Variants in ADAM2 observed in about 807,000 individuals in gnomAD.
ADAM2 encodes the protein ADAM metallopeptidase domain 2.
ADAM2 carries 101 observed loss-of-function variants against 99.3 expected under a neutral mutation model. That is an observed-to-expected ratio of 1.02 (90% CI 0.87 to 1.20). ADAM2 has a LOEUF of 1.20. Among genes scored for constraint, ADAM2 ranks in the 50% most tolerant of loss-of-function variants. ADAM2 has a pLI of 0.00. For synonymous variants in ADAM2, 323 were observed against 287.6 expected (o/e 1.12, Z -1.25); for missense variants, 948 against 878.7 (o/e 1.08, Z -1.00).
At position 39,746,592 on chromosome 8, in the gene ADAM2, A is replaced by G; in HGVS notation, c.2054T>C (p.Met685Thr). ...YIENIYHSKP[M>T]RWPFFLFIPF... ...AATGAATAAGAAAAATGGCCATCTC[A>G]TTGGTTTGGAATGGTAAATGTTCTC... is the stretch of plus-strand genomic sequence containing the variant. The change falls in exon 19 of 21, where the codon ATG becomes ACG. Residue 685 changes from methionine to threonine, a missense_variant. Coordinates refer to ENST00000265708, the MANE Select transcript of ADAM2 (RefSeq NM_001464.5). The G allele has an allele frequency of 1.2e-6, 2 of 1,607,466 alleles. No homozygotes were observed. Among genetic ancestry groups the G allele is most frequent in the Non-Finnish European group, 1.7e-6 (2 of 1,177,284 alleles).
intron 4 of ADAM2, among the ~76,000 whole-genome samples, chr8:39,823,180 C>A (rs1805267058): frequency 6.6e-6 from 1 of 152,150 alleles, no homozygotes; most frequent in African/African-American, 2.4e-5. Context: ...AAATCCAGGA[C>A]AATGATGAAT....
At chr8:39,806,443 C>A (rs770105609) in intron 7 of ADAM2, among the ~76,000 whole-genome samples, 3 of 148,724 alleles carry the variant, frequency 2.0e-5, no homozygotes, top group Admixed American at 2.0e-4. Flanking sequence ...CCGTTTTCAA[C>A]AAAGTATGAC....
chr8:39,788,381 G>A, intron 8 of ADAM2, 130 bp from the exon 9 acceptor site: 1 of 584,138 alleles, frequency 1.7e-6, no homozygotes. Flanking sequence ...ATCTTTTAAA[G>A]TAGATTAGTA....
At chr8:39,748,558 T>G (rs1823568446) in intron 18 of ADAM2, among the ~76,000 whole-genome samples, 1 of 152,192 alleles carries the variant, frequency 6.6e-6, no homozygotes, top group Non-Finnish European at 1.5e-5. Flanking sequence ...CATTTAGATT[T>G]TTATATCAAA....
intron 18 of ADAM2, among the ~76,000 whole-genome samples, 174 bp downstream of exon 18, chr8:39,749,138 A>C (rs1169163789): frequency 6.6e-6 from 1 of 152,066 alleles, no homozygotes. Flanking sequence ...CATATGCTAC[A>C]TATGTTGTAA....
chr8:39,826,710 G>A (rs1350712450), intron 3 of ADAM2, among the ~76,000 whole-genome samples: 3 of 146,018 alleles, frequency 2.1e-5, no homozygotes, highest in Middle Eastern at 3.5e-3. Flanking sequence ...GCTACAGAGC[G>A]AGAAAAAAAA....
rs767262879 is a variant in ADAM2 at position 39,838,117 on chromosome 8, G to GT, written c.55+13dup. 2 of 1,613,842 alleles carry GT rather than the reference G, an allele frequency of 1.2e-6. No individual in the cohort carries two copies. Among genetic ancestry groups the GT allele is most frequent in the Non-Finnish European group, 1.7e-6 (2 of 1,179,934 alleles). On this transcript the variant is annotated intron_variant, in intron 1 of 20. Coordinates refer to ENST00000265708, the MANE Select transcript of ADAM2 (RefSeq NM_001464.5). ...AGGGTCCCAAAAGGCCAGAGGAGGGGTTTTTCTGCTTACTACTGTCCATCC... is the reference window on the plus strand; with the variant it reads ...AGGGTCCCAAAAGGCCAGAGGAGGGGTTTTTTCTGCTTACTACTGTCCATCC...
intron 4 of ADAM2, among the ~76,000 whole-genome samples, chr8:39,822,214 T>G (rs529369324): frequency 6.6e-6 from 1 of 152,302 alleles, no homozygotes; most frequent in African/African-American, 2.4e-5. Context: ...TGGGGTATAC[T>G]TCATACTTTA....
chr8:39,811,870 G>T (rs1436083486), intron 6 of ADAM2, among the ~76,000 whole-genome samples: 1 of 152,174 alleles, frequency 6.6e-6, no homozygotes, highest in Non-Finnish European at 1.5e-5. Flanking sequence ...ACTGGCACAA[G>T]ACAGGGATGT....
intron 10 of ADAM2, among the ~76,000 whole-genome samples, chr8:39,778,912 C>T (rs921113040): frequency 6.6e-6 from 1 of 152,006 alleles, no homozygotes; most frequent in Admixed American, 6.6e-5. Flanking sequence ...TTATACTTTT[C>T]TCTTTTTCTC....
chr8:39,766,846 A>G lies in ADAM2; in HGVS notation c.1507+2T>C. On this transcript the variant is annotated splice_donor_variant, in intron 14 of 20. Transcript: ENST00000265708. LOFTEE classifies it high-confidence loss of function. ...TATGAGAAATCAAATGATAATAAAT[A>G]CCTTTGCCAAATGTGTCTGTACATT... is the stretch of plus-strand genomic sequence containing the variant. The G allele has an allele frequency of 2.5e-6, 4 of 1,573,484 alleles. 1 individual carries two copies. In the East Asian group the frequency reaches 9.1e-5, roughly 36 times the overall value.
intron 11 of ADAM2, among the ~76,000 whole-genome samples, chr8:39,772,109 TAAA>T (rs201824657): frequency 7.8e-6 from 1 of 127,558 alleles, no homozygotes; most frequent in African/African-American, 2.8e-5. Context: ...GAGAGAACGG[TAAA>T]AAAAAAAAAA....
intron 3 of ADAM2, among the ~76,000 whole-genome samples, chr8:39,827,748 A>G (rs945451695): frequency 2.0e-5 from 3 of 152,088 alleles, no homozygotes; most frequent in Non-Finnish European, 4.4e-5. Context: ...ATGGGAGATG[A>G]TGGTTAAAGA....
intron 12 of ADAM2, among the ~76,000 whole-genome samples, chr8:39,768,781 T>A (rs930184021): frequency 5.3e-5 from 8 of 152,120 alleles, no homozygotes; most frequent in South Asian, 2.1e-4. Context: ...AAATTGCTTA[T>A]ATGAGAGATT....
chr8:39,753,058 A>G (rs1398412546), intron 16 of ADAM2, among the ~76,000 whole-genome samples: 1 of 152,208 alleles, frequency 6.6e-6, no homozygotes, highest in Non-Finnish European at 1.5e-5. Flanking sequence ...GGAACTGGGT[A>G]ACAGCCAGAG....
intron 6 of ADAM2, among the ~76,000 whole-genome samples, chr8:39,813,139 C>T (rs1179412867): frequency 2.0e-5 from 3 of 152,144 alleles, no homozygotes; most frequent in Non-Finnish European, 2.9e-5. Context: ...CAAAAGAAGA[C>T]GTTTATGCAG....
chr8:39,764,986 G>C (rs1481081686), intron 14 of ADAM2, among the ~76,000 whole-genome samples: 1 of 151,814 alleles, frequency 6.6e-6, no homozygotes, highest in African/African-American at 2.4e-5. Flanking sequence ...TCACACCACT[G>C]CACTCCAGCC....
At chr8:39,756,820 C>T (rs772801756) in intron 15 of ADAM2, among the ~76,000 whole-genome samples, 8 of 152,166 alleles carry the variant, frequency 5.3e-5, no homozygotes, top group Non-Finnish European at 1.0e-4. Flanking sequence ...TAAGTAATTT[C>T]ATAGAACATC....
intron 7 of ADAM2, among the ~76,000 whole-genome samples, chr8:39,797,225 A>G (rs1803999459): frequency 6.6e-6 from 1 of 152,172 alleles, no homozygotes; most frequent in Admixed American, 6.5e-5. Flanking sequence ...TAATTTTTGT[A>G]TAAGGTGTAA....
Sources: gnomAD v4.1 joint callset for allele counts (sites outside exome capture counted in the v4.1 genomes callset) on GRCh38, gnomAD v4.1.1 for gene constraint, MANE v1.5 for transcripts, NCBI Gene and HGNC (gene_info 2026-07-23, HGNC 2026-07-21) for gene names.